The following LINGO2 variants were observed in gnomAD, a reference collection of about 807,000 sequenced individuals.
LINGO2 encodes the protein leucine rich repeat and Ig domain containing 2.
In LINGO2, 14 loss-of-function variants were observed where a neutral mutation model predicts 30.6. That is an observed-to-expected ratio of 0.46 (90% CI 0.30 to 0.72). The LOEUF (loss-of-function observed/expected upper bound fraction) is 0.72. Among genes scored for constraint, LINGO2 ranks in the 30% least tolerant of loss-of-function variants. The pLI is 0.07. For synonymous variants in LINGO2, 317 were observed against 288.5 expected, an observed-to-expected ratio of 1.10 and a Z score of -1.00; for missense variants, 729 against 751.7, an observed-to-expected ratio of 0.97 and a Z score of 0.35.
At chr9:28,195,013 A>G (rs1819958964) in intron 4 of LINGO2, among the ~76,000 whole-genome samples, 1 of 152,064 alleles carries the variant, frequency 6.6e-6, no homozygotes, top group South Asian at 2.1e-4. Context: ...TAAGTGGACA[A>G]AAACAAAACA....
the LINGO2 span, among the ~76,000 whole-genome samples, chr9:29,104,696 T>C: frequency 2.6e-5 from 4 of 152,142 alleles, no homozygotes; most frequent in Non-Finnish European, 1.5e-5. Flanking sequence ...ACGTTCTTTA[T>C]TTGGAAACTT....
intron 3 of LINGO2, among the ~76,000 whole-genome samples, chr9:28,342,928 G>A (rs1289193086): frequency 6.6e-6 from 1 of 152,068 alleles, no homozygotes; most frequent in Non-Finnish European, 1.5e-5. Context: ...CCTTCCATTT[G>A]TTTCAGGTGA....
chr9:28,490,414 G>C (rs1336910244), intron 1 of LINGO2, among the ~76,000 whole-genome samples: 2 of 152,134 alleles, frequency 1.3e-5, no homozygotes, highest in Non-Finnish European at 2.9e-5. Flanking sequence ...GAGTAAACTT[G>C]GGTGAACTAG....
At chr9:28,728,351 C>A in the LINGO2 span, among the ~76,000 whole-genome samples, 1 of 147,972 alleles carries the variant, frequency 6.8e-6, no homozygotes, top group African/African-American at 2.5e-5. Flanking sequence ...TTTAGAAGAG[C>A]AATCAAAAGT....
intron 4 of LINGO2, chr9:28,080,700 G>A (rs193193603): frequency 6.6e-6 from 1 of 152,158 alleles, no homozygotes; most frequent in Non-Finnish European, 1.5e-5. Flanking sequence ...CACCCTTAAA[G>A]CCTGGAACAG....
chr9:28,569,048 C>T (rs1823540238), intron 1 of LINGO2, among the ~76,000 whole-genome samples: 1 of 151,930 alleles, frequency 6.6e-6, no homozygotes, highest in Non-Finnish European at 1.5e-5. Context: ...CTAAGTATTG[C>T]TTATCATCAG....
intron 4 of LINGO2, among the ~76,000 whole-genome samples, chr9:28,240,252 A>G (rs1173636385): frequency 6.6e-6 from 1 of 152,152 alleles, no homozygotes; most frequent in African/African-American, 2.4e-5. Flanking sequence ...TACCAATGAC[A>G]TTCTTCACAG....
chr9:28,917,574 T>A, the LINGO2 span, among the ~76,000 whole-genome samples: 1 of 152,074 alleles, frequency 6.6e-6, no homozygotes, highest in Admixed American at 6.6e-5. Flanking sequence ...TGTCTCAGCC[T>A]CCTGAGTAGC....
At chr9:28,665,918 G>T (rs1828782281) in intron 1 of LINGO2, among the ~76,000 whole-genome samples, 1 of 146,422 alleles carries the variant, frequency 6.8e-6, no homozygotes, top group African/African-American at 2.5e-5. Context: ...TTGAGATGGA[G>T]TTTCATTCTT....
the LINGO2 span, among the ~76,000 whole-genome samples, chr9:28,994,322 G>T: frequency 1.3e-5 from 2 of 152,112 alleles, no homozygotes; most frequent in Non-Finnish European, 2.9e-5. Flanking sequence ...GGATGTGAAG[G>T]ACCACTTCAA....
At chr9:29,154,800 G>A in the LINGO2 span, among the ~76,000 whole-genome samples, 1 of 152,146 alleles carries the variant, frequency 6.6e-6, no homozygotes. Context: ...TTTATTTGTA[G>A]GGAAGAGGAG....
chr9:28,296,034 T>C (rs1345179401), intron 3 of LINGO2, among the ~76,000 whole-genome samples: 3 of 152,150 alleles, frequency 2.0e-5, no homozygotes, highest in African/African-American at 7.2e-5. Context: ...CCAGAGTGGG[T>C]ACACAAAGGA....
At chr9:28,690,204 T>A in the LINGO2 span, among the ~76,000 whole-genome samples, 1 of 152,028 alleles carries the variant, frequency 6.6e-6, no homozygotes, top group Non-Finnish European at 1.5e-5. Flanking sequence ...AACTTGTACA[T>A]CTGCACATGT....
intron 4 of LINGO2, among the ~76,000 whole-genome samples, chr9:28,207,634 C>T (rs562343085): frequency 6.6e-6 from 1 of 152,042 alleles, no homozygotes; most frequent in African/African-American, 2.4e-5. Flanking sequence ...TCATCCTCAC[C>T]CTGATACATA....
intron 3 of LINGO2, among the ~76,000 whole-genome samples, chr9:28,324,059 CT>C: frequency 6.6e-6 from 1 of 152,154 alleles, no homozygotes; most frequent in Admixed American, 6.5e-5. Context: ...GTGTGTTATA[CT>C]GAGGAAATTA....
At chr9:29,184,751 C>G in the LINGO2 span, among the ~76,000 whole-genome samples, 6 of 149,660 alleles carry the variant, frequency 4.0e-5, no homozygotes, top group Non-Finnish European at 8.9e-5. Context: ...CTCTCTCTCT[C>G]TTTTTCTGGT....
At chr9:28,149,131 G>A in intron 4 of LINGO2, 14 of 1,492,018 alleles carry the variant, frequency 9.4e-6, no homozygotes, top group Non-Finnish European at 1.2e-5. Context: ...ACATGTGTAA[G>A]AACATGAGGG....
chr9:28,096,432 C>T (rs1826244080), intron 4 of LINGO2, among the ~76,000 whole-genome samples: 2 of 152,110 alleles, frequency 1.3e-5, no homozygotes, highest in Non-Finnish European at 2.9e-5. Flanking sequence ...GGAAAAAGAA[C>T]ATGGAAGATC....
chr9:28,902,860 T>C, the LINGO2 span, among the ~76,000 whole-genome samples: 2 of 151,490 alleles, frequency 1.3e-5, no homozygotes, highest in African/African-American at 4.8e-5. Flanking sequence ...TATACCAAAA[T>C]AGAGTTCAGA....
Sources: gnomAD v4.1 joint callset for allele counts (sites outside exome capture counted in the v4.1 genomes callset) on GRCh38, gnomAD v4.1.1 for gene constraint, MANE v1.5 for transcripts, NCBI Gene and HGNC (gene_info 2026-07-23, HGNC 2026-07-21) for gene names.